The following SOX5 variants were observed in gnomAD, a reference collection of about 807,000 sequenced individuals.
SOX5 encodes transcription factor SOX-5.
Under a neutral mutation model 92.0 loss-of-function variants are expected in SOX5, and 9 were observed. That is an observed-to-expected ratio of 0.10 (90% CI 0.06 to 0.17). The LOEUF is 0.17. Among genes scored for constraint, SOX5 ranks in the 10% least tolerant of loss-of-function variants. SOX5 has a pLI of 1.00. For synonymous variants in SOX5, 344 were observed against 336.3 expected (o/e 1.02, Z -0.25); for missense variants, 642 against 944.5 (o/e 0.68, Z 4.20).
intron 11 of SOX5, among the ~76,000 whole-genome samples, chr12:23,549,830 G>T (rs1565727211): frequency 6.6e-6 from 1 of 152,044 alleles, no homozygotes; most frequent in African/African-American, 2.4e-5. Context: ...ATTAGGTTAA[G>T]TCTGTTTAAA....
At chr12:23,604,256 C>T (rs1467091235) in intron 9 of SOX5, 131 bp downstream of exon 9, 4 of 844,532 alleles carry the variant, frequency 4.7e-6, no homozygotes, top group African/African-American at 3.4e-5. Context: ...ACCTGTTGCC[C>T]TTACTTGATT....
intron 4 of SOX5, among the ~76,000 whole-genome samples, chr12:24,166,858 C>T: frequency 6.6e-6 from 1 of 152,058 alleles, no homozygotes. Context: ...TTTTTGTCAC[C>T]TCTTTGAGCA....
At position 23,530,229 on chromosome 12, in the gene SOX5, C is replaced by T. The variant is rs1938681128; in HGVS notation, c.*3990G>A. The T allele has an allele frequency of 3.9e-5, 6 of 152,098 alleles. No individual in the cohort carries two copies. The highest frequency in any genetic ancestry group is 2.0e-4 in the Admixed American group (3 of 15,266). 9.4% of individuals were successfully genotyped at this position (152,098 alleles called of 1,614,324 possible). A position where few individuals can be genotyped will look rare whatever the true frequency, so the allele number is the denominator to read the frequency against. On this transcript the variant is annotated 3_prime_UTR_variant, in exon 15 of 15. Transcript: ENST00000451604. ...CCTTATAAACCTGTTTGTAAATATA[C>T]AGTTGTTTATTACAATTCAACAATT...
intron 4 of SOX5, among the ~76,000 whole-genome samples, chr12:23,741,300 A>C (rs1467142251): frequency 6.6e-6 from 1 of 152,092 alleles, no homozygotes; most frequent in African/African-American, 2.4e-5. Context: ...ATGACCAAAC[A>C]TTTTGAATGT....
At chr12:24,284,259 T>C (rs1374481420) in intron 2 of SOX5, among the ~76,000 whole-genome samples, 2 of 152,178 alleles carry the variant, frequency 1.3e-5, no homozygotes, top group African/African-American at 2.4e-5. Flanking sequence ...CACTCTGCTT[T>C]AGACACATCT....
At position 23,979,462 on chromosome 12, in the gene SOX5, G is replaced by A. The variant is rs969619549; in HGVS notation, c.-1-83438C>T. On this transcript the variant is annotated intron_variant, in intron 4 of 4. Transcript: ENST00000446891. ...TGGTGTTGAACTCCTGACATCAGGTGATCTGCCTTCCTTGGCCTCCCAAAG... is the reference window on the plus strand; with the variant it reads ...TGGTGTTGAACTCCTGACATCAGGTAATCTGCCTTCCTTGGCCTCCCAAAG... 3.9e-5 allele frequency among the ~76,000 whole-genome samples: 6 copies of A among 152,024 alleles called. No homozygotes were observed. The South Asian group carries it at 1.0e-3, about 26-fold the overall frequency.
At chr12:24,548,881 T>C (rs908349961) in intron 1 of SOX5, among the ~76,000 whole-genome samples, 25 of 152,210 alleles carry the variant, frequency 1.6e-4, no homozygotes, top group Admixed American at 1.6e-3. Context: ...GAAACCTCAA[T>C]GGGTTCTTCA....
chr12:24,463,375 C>A (rs1315403256), intron 1 of SOX5, among the ~76,000 whole-genome samples: 1 of 152,150 alleles, frequency 6.6e-6, no homozygotes. Flanking sequence ...AAAGCAAAGA[C>A]AGGAAGACCT....
rs554369311 is a variant in SOX5 at position 23,599,512 on chromosome 12, C to T, written c.1164+4875G>A. Among the ~76,000 whole-genome samples, 7 of 152,310 alleles carry T rather than the reference C, an allele frequency of 4.6e-5. No individual in the cohort carries two copies. In the South Asian group the frequency reaches 1.5e-3, roughly 32 times the overall value. On this transcript the variant is annotated intron_variant, in intron 9 of 14. Transcript: ENST00000451604. ...ACGGCAAGGTTAAAAGAAAAGCACCCAGGAATTCTCTCTTGTCATCAGCTT... is the reference window on the plus strand; with the variant it reads ...ACGGCAAGGTTAAAAGAAAAGCACCTAGGAATTCTCTCTTGTCATCAGCTT...
At chr12:23,645,396 A>G (rs2080703906) in intron 7 of SOX5, among the ~76,000 whole-genome samples, 1 of 152,202 alleles carries the variant, frequency 6.6e-6, no homozygotes, top group Admixed American at 6.5e-5. Context: ...GAGTTGGGAA[A>G]CTTTTAATAC....
At chr12:24,530,855 G>A (rs1951134929) in intron 1 of SOX5, among the ~76,000 whole-genome samples, 1 of 152,068 alleles carries the variant, frequency 6.6e-6, no homozygotes, top group Admixed American at 6.6e-5. Context: ...CATTGTAGTG[G>A]AGAATTCCAA....
At chr12:23,826,938 C>T (rs2096244204) in intron 3 of SOX5, among the ~76,000 whole-genome samples, 1 of 152,170 alleles carries the variant, frequency 6.6e-6, no homozygotes, top group African/African-American at 2.4e-5. Flanking sequence ...ACAGTAAATA[C>T]CATAATAGGA....
chr12:23,810,540 A>G (rs1404412330), intron 3 of SOX5, among the ~76,000 whole-genome samples: 3 of 152,156 alleles, frequency 2.0e-5, no homozygotes, highest in Non-Finnish European at 4.4e-5. Flanking sequence ...AAAGTAGATA[A>G]CACCTGTTTA....
At chr12:24,331,075 CAG>C (rs1288492754) in intron 2 of SOX5, among the ~76,000 whole-genome samples, 1 of 152,154 alleles carries the variant, frequency 6.6e-6, no homozygotes, top group Non-Finnish European at 1.5e-5. Context: ...GGACAGAAAA[CAG>C]GGGTACTCAT....
chr12:23,562,340 C>T (rs1946359961), intron 11 of SOX5, among the ~76,000 whole-genome samples: 1 of 152,136 alleles, frequency 6.6e-6, no homozygotes, highest in Admixed American at 6.6e-5. Flanking sequence ...TTGCCAGCTT[C>T]TTAGTGATTA....
chr12:23,690,192 T>C (rs1364735619), intron 6 of SOX5, among the ~76,000 whole-genome samples: 2 of 152,178 alleles, frequency 1.3e-5, no homozygotes, highest in African/African-American at 2.4e-5. Flanking sequence ...GGAAGTATAT[T>C]GGCATTATTT....
At chr12:23,778,420 T>A (rs1328558557) in intron 3 of SOX5, among the ~76,000 whole-genome samples, 1 of 152,180 alleles carries the variant, frequency 6.6e-6, no homozygotes, top group Non-Finnish European at 1.5e-5. Context: ...AATATCATCC[T>A]AAGCAGGTGA....
At chr12:23,721,691 T>C (rs560814349) in intron 6 of SOX5, among the ~76,000 whole-genome samples, 1 of 152,114 alleles carries the variant, frequency 6.6e-6, no homozygotes, top group Non-Finnish European at 1.5e-5. Flanking sequence ...ATATAAACAT[T>C]AGTAGTCAAT....
chr12:24,321,591 A>AT (rs1364251678), intron 2 of SOX5, among the ~76,000 whole-genome samples: 6 of 152,232 alleles, frequency 3.9e-5, no homozygotes, highest in Non-Finnish European at 7.3e-5. Flanking sequence ...TCATATTCAT[A>AT]CTAGAGACTA....
Sources: allele counts gnomAD v4.1 joint callset (sites outside exome capture counted in the v4.1 genomes callset), GRCh38; gene constraint gnomAD v4.1.1; transcripts MANE v1.5; gene names NCBI Gene and HGNC (gene_info 2026-07-23, HGNC 2026-07-21).